Variants in KNDC1 observed in about 807,000 individuals in gnomAD.
The protein encoded by KNDC1 is kinase non-catalytic C-lobe domain-containing protein 1.
Under a neutral mutation model 172.8 loss-of-function variants are expected in KNDC1, and 106 were observed. The ratio of observed to expected loss-of-function variants is 0.61; its 90% CI spans 0.52 to 0.72. KNDC1 has a LOEUF of 0.72. Ranked by LOEUF, KNDC1 falls within the 30% of genes least tolerant of loss-of-function variation. The probability of loss-of-function intolerance (pLI) is 0.00; values close to 1 mark genes in which losing one functional copy is unlikely to be tolerated. For missense variants in KNDC1, 2,325 were observed against 2,394.5 expected (o/e 0.97, Z 0.61); for synonymous variants, 1,083 against 1,062.2 (o/e 1.02, Z -0.38).
At chr10:133,207,550 G>A (rs1234219558) in intron 20 of KNDC1, among the ~76,000 whole-genome samples, 199 bp downstream of exon 20, 4 of 152,256 alleles carry the variant, frequency 2.6e-5, no homozygotes, top group Non-Finnish European at 1.5e-5. Context: ...GGCCTCCGCC[G>A]CCTGTGGGCC....
At chr10:133,210,798 A>G (rs1057329022) in intron 21 of KNDC1, 74 bp downstream of exon 21, 15 of 1,249,076 alleles carry the variant, frequency 1.2e-5, no homozygotes, top group Middle Eastern at 1.9e-4. Context: ...GGCCTGGTTT[A>G]GCCACCATGA....
chr10:133,200,673 C>T (rs945215507), intron 16 of KNDC1, among the ~76,000 whole-genome samples: 2 of 151,938 alleles, frequency 1.3e-5, no homozygotes, highest in African/African-American at 4.8e-5. Context: ...AGCCAAAGGC[C>T]GTCCTCTCCT....
At position 133,213,634 on chromosome 10, in the gene KNDC1, G is replaced by T; in HGVS notation, c.4444-11G>T. Reference sequence around the variant, plus strand: ...GGAAGCCTGAACCTCTTGTTTCCATGTTCTGGGCAGGAGTTGTTTCAAAAG... The same window carrying T: ...GGAAGCCTGAACCTCTTGTTTCCATTTTCTGGGCAGGAGTTGTTTCAAAAG... On this transcript the variant is annotated splice_polypyrimidine_tract_variant and intron_variant, in intron 24 of 29. Coordinates refer to ENST00000304613, the MANE Select transcript of KNDC1 (RefSeq NM_152643.8). The T allele has an allele frequency of 6.2e-7, 1 of 1,613,408 alleles. No individual in the cohort carries two copies. Among genetic ancestry groups the T allele is most frequent in the Non-Finnish European group, 8.5e-7 (1 of 1,179,378 alleles).
chr10:133,200,110 G>A (rs1053191088), intron 15 of KNDC1, among the ~76,000 whole-genome samples: 4 of 152,148 alleles, frequency 2.6e-5, no homozygotes, highest in East Asian at 1.9e-4. Flanking sequence ...ACACAGCTGT[G>A]AGCAAGGGCA....
At chr10:133,182,185 A>C (rs546208786) in intron 3 of KNDC1, among the ~76,000 whole-genome samples, 2 of 152,176 alleles carry the variant, frequency 1.3e-5, no homozygotes, top group South Asian at 2.1e-4. Context: ...TGAAGACTGG[A>C]TGCTCCGCTG....
At chr10:133,180,486 C>A (rs1564880463) in intron 3 of KNDC1, among the ~76,000 whole-genome samples, 1 of 152,398 alleles carries the variant, frequency 6.6e-6, no homozygotes, top group East Asian at 1.9e-4. Context: ...TCCAAGTTCA[C>A]ACCCCAGAGA....
chr10:133,202,843 C>T, intron 17 of KNDC1: 1 of 346,126 alleles, frequency 2.9e-6, no homozygotes. Context: ...GCACCTGCAT[C>T]TCGGACACCC....
intron 29 of KNDC1, among the ~76,000 whole-genome samples, chr10:133,222,359 G>A (rs1034578153): frequency 9.2e-5 from 14 of 152,054 alleles, no homozygotes; most frequent in Admixed American, 3.9e-4. Context: ...TCTCCACAGC[G>A]TCCACGTGCG....
In KNDC1 at chr10:133,198,764, T is replaced by C; in HGVS notation, c.2256T>C (p.Arg752=). 2 of 1,587,588 alleles carry C rather than the reference T, an allele frequency of 1.3e-6. No homozygotes were observed. The highest frequency in any genetic ancestry group is 2.7e-5 in the African/African-American group (2 of 74,442). Reference sequence around the variant, plus strand: ...AGCCTCTTGGGGCGTCAGTGCAGCGTGACTCAGCCCAGGGCCGCCCCTGCC... The same window carrying C: ...AGCCTCTTGGGGCGTCAGTGCAGCGCGACTCAGCCCAGGGCCGCCCCTGCC... The part of the protein sequence containing the change: ...APEPLGASVQ[R]DSAQGRPCPP... The change falls in exon 14 of 30, where the codon CGT becomes CGC. Residue 752 remains arginine, a synonymous_variant. Coordinates refer to ENST00000304613, the MANE Select transcript of KNDC1 (RefSeq NM_152643.8).
At chr10:133,221,539 G>A (rs1845588270) in intron 29 of KNDC1, among the ~76,000 whole-genome samples, 1 of 152,064 alleles carries the variant, frequency 6.6e-6, no homozygotes. Flanking sequence ...CTCATCGCCT[G>A]CCGTTGTCCA....
At chr10:133,161,303 G>T (rs1006329369) in intron 1 of KNDC1, among the ~76,000 whole-genome samples, 1 of 152,152 alleles carries the variant, frequency 6.6e-6, no homozygotes, top group African/African-American at 2.4e-5. Flanking sequence ...ACCCTCCAGG[G>T]ATCCGAGATC....
chr10:133,206,813 G>A lies in KNDC1; in HGVS notation c.3481+35G>A, dbSNP rs747940525. 3 of 1,613,282 alleles carry A rather than the reference G, an allele frequency of 1.9e-6. No individual in the cohort carries two copies. The South Asian group carries it at 3.3e-5, about 18-fold the overall frequency. On this transcript the variant is annotated intron_variant, in intron 18 of 29. Transcript: ENST00000304613. The stretch of plus-strand genomic sequence containing the variant: ...CTGTGGGCACAGGTCCGAGACCCTG[G>A]CTGCAGGCAGCCCGGCCCCCACCCA...
At chr10:133,162,300 G>GGCCAGTGGCT (rs1853002608) in intron 1 of KNDC1, among the ~76,000 whole-genome samples, 2 of 151,494 alleles carry the variant, frequency 1.3e-5, no homozygotes, top group African/African-American at 4.9e-5. Flanking sequence ...TCTCCATCGG[G>GGCCAGTGGCT]GCACCTGACT....
chr10:133,182,502 C>T (rs1018201207), intron 3 of KNDC1, among the ~76,000 whole-genome samples: 2 of 152,200 alleles, frequency 1.3e-5, no homozygotes, highest in Non-Finnish European at 2.9e-5. Context: ...AGGCAGGTTC[C>T]TGAGCCGCTC....
At chr10:133,219,760 A>AC (rs1443187712) in intron 28 of KNDC1, among the ~76,000 whole-genome samples, 195 bp from the exon 29 acceptor site, 5 of 152,078 alleles carry the variant, frequency 3.3e-5, no homozygotes, top group African/African-American at 1.2e-4. Flanking sequence ...AAAGCTTAAG[A>AC]CCCCGCAGGT....
chr10:133,199,809 C>G (rs913375121), intron 15 of KNDC1, among the ~76,000 whole-genome samples: 4 of 152,200 alleles, frequency 2.6e-5, no homozygotes, highest in African/African-American at 9.6e-5. Flanking sequence ...GCTTTCCCAT[C>G]GGACCTGGGT....
chr10:133,185,626 G>A (rs1225064057), intron 5 of KNDC1, among the ~76,000 whole-genome samples: 1 of 151,842 alleles, frequency 6.6e-6, no homozygotes, highest in Non-Finnish European at 1.5e-5. Flanking sequence ...ACTCACCTGT[G>A]TAATCCTCGA....
chr10:133,200,512 T>G, intron 16 of KNDC1, 52 bp downstream of exon 16: 1 of 1,357,630 alleles, frequency 7.4e-7, no homozygotes. Flanking sequence ...GGCTCCTCTG[T>G]GCTCTCTGCA....
At chr10:133,184,412 CCA>C (rs1564883019) in intron 5 of KNDC1, among the ~76,000 whole-genome samples, 2 of 80,054 alleles carry the variant, frequency 2.5e-5, no homozygotes, top group Non-Finnish European at 5.5e-5. Flanking sequence ...ACGCACACAC[CCA>C]CTCACACATT....
Sources: allele counts gnomAD v4.1 joint callset (sites outside exome capture counted in the v4.1 genomes callset), GRCh38; gene constraint gnomAD v4.1.1; transcripts MANE v1.5; gene names NCBI Gene and HGNC (gene_info 2026-07-23, HGNC 2026-07-21).